The following HECTD4 variants were observed in gnomAD, a reference collection of about 807,000 sequenced individuals.
HECTD4 encodes HECT domain E3 ubiquitin protein ligase 4.
Under a neutral mutation model 471.5 loss-of-function variants are expected in HECTD4, and 114 were observed. That is an observed-to-expected ratio of 0.24 (90% CI 0.21 to 0.28). HECTD4 has a LOEUF of 0.28. Among genes scored for constraint, HECTD4 ranks in the 10% least tolerant of loss-of-function variants. The pLI, the probability that HECTD4 is intolerant of heterozygous loss-of-function variation, is 1.00. For missense variants in HECTD4, 3,866 were observed against 5,651.5 expected (o/e 0.68, Z 10.13); for synonymous variants, 2,012 against 2,256.0 (o/e 0.89, Z 3.07).
intron 69 of HECTD4, chr12:112,170,075 C>A: frequency 1.8e-6 from 1 of 570,606 alleles, no homozygotes; most frequent in Non-Finnish European, 3.1e-6. Context: ...AGGCACATGG[C>A]TGATCAGAGC....
intron 72 of HECTD4, 117 bp from the exon 73 acceptor site, chr12:112,164,392 G>C: frequency 9.4e-7 from 1 of 1,068,560 alleles, no homozygotes; most frequent in Non-Finnish European, 1.3e-6. Flanking sequence ...CGGCCGTGTA[G>C]ATGAGCATGT....
Position 112,164,069 on chromosome 12 carries a change from G to GGCCAGCCCCT in HECTD4, c.12701+30_12701+39dup, listed in dbSNP as rs532706721. Reference sequence around the variant, plus strand: ...CTGTCATACCCTGGCTGGCTGGCCGGGCCAGCCCCTGCCAGCCCCTGACAC... The same window carrying GGCCAGCCCCT: ...CTGTCATACCCTGGCTGGCTGGCCGGGCCAGCCCCTGCCAGCCCCTGCCAGCCCCTGACAC... On this transcript the variant is annotated intron_variant, in intron 73 of 75. Coordinates refer to ENST00000682272, the MANE Select transcript of HECTD4 (RefSeq NM_001388303.1). 394 of 1,393,648 alleles carry GGCCAGCCCCT rather than the reference G, an allele frequency of 2.8e-4. 1 individual carries two copies. In the African/African-American group the frequency reaches 4.8e-3, roughly 17 times the overall value. The allele number at this position is 1,393,648 out of a possible 1,614,324, so 86.3% of individuals were successfully genotyped here.
chr12:112,293,390 G>A (rs2034938980), intron 7 of HECTD4, among the ~76,000 whole-genome samples: 1 of 146,656 alleles, frequency 6.8e-6, no homozygotes. Flanking sequence ...AAAAAAATTA[G>A]CTGGGCATGG....
chr12:112,306,261 A>T, intron 6 of HECTD4, 27 bp from the exon 7 acceptor site: 1 of 1,458,038 alleles, frequency 6.9e-7, no homozygotes, highest in Non-Finnish European at 9.1e-7. Context: ...GGAAATCTCC[A>T]TTAGAGCCAC....
chr12:112,273,128 C>T (rs1356738322), intron 11 of HECTD4, among the ~76,000 whole-genome samples: 3 of 152,102 alleles, frequency 2.0e-5, no homozygotes, highest in Admixed American at 6.5e-5. Flanking sequence ...TGATAATTGC[C>T]TGTTTTAGTG....
At chr12:112,210,314 G>T (rs2135542913) in intron 49 of HECTD4, 62 bp from the exon 50 acceptor site, 2 of 1,539,936 alleles carry the variant, frequency 1.3e-6, no homozygotes, top group Non-Finnish European at 1.8e-6. Context: ...TTCTGCAAGA[G>T]CCCAAGGCGC....
intron 62 of HECTD4, among the ~76,000 whole-genome samples, chr12:112,180,960 G>T (rs1439555771): frequency 1.3e-5 from 2 of 150,318 alleles, no homozygotes; most frequent in Non-Finnish European, 2.9e-5. Flanking sequence ...AGTAGCACTT[G>T]TCAGCTAAAA....
At chr12:112,217,633 C>T (rs537558278) in intron 45 of HECTD4, among the ~76,000 whole-genome samples, 10 of 152,342 alleles carry the variant, frequency 6.6e-5, no homozygotes, top group African/African-American at 1.7e-4. Context: ...GGATTATAGG[C>T]GTGAGCCGCC....
intron 1 of HECTD4, among the ~76,000 whole-genome samples, chr12:112,359,002 C>T (rs544723342): frequency 1.3e-5 from 2 of 152,146 alleles, no homozygotes; most frequent in African/African-American, 2.4e-5. Context: ...AGTGAAACCT[C>T]GTCTCTACTA....
intron 1 of HECTD4, among the ~76,000 whole-genome samples, chr12:112,334,638 A>G (rs1430914382): frequency 8.1e-6 from 1 of 123,210 alleles, no homozygotes; most frequent in East Asian, 2.3e-4. Flanking sequence ...CTAAAAATAC[A>G]AAAAAAAAAA....
intron 43 of HECTD4, among the ~76,000 whole-genome samples, chr12:112,227,298 A>G (rs557418125): frequency 1.3e-5 from 2 of 152,190 alleles, no homozygotes; most frequent in East Asian, 3.9e-4. Context: ...CATCTCTACT[A>G]AAAATATAAA....
intron 6 of HECTD4, among the ~76,000 whole-genome samples, chr12:112,308,328 T>C (rs1375574075): frequency 2.0e-5 from 3 of 151,932 alleles, no homozygotes; most frequent in African/African-American, 7.3e-5. Flanking sequence ...CACACAATGA[T>C]TTTACTCTAC....
intron 59 of HECTD4, among the ~76,000 whole-genome samples, chr12:112,192,180 G>A (rs2032102323): frequency 6.6e-6 from 1 of 152,338 alleles, no homozygotes; most frequent in South Asian, 2.1e-4. Flanking sequence ...GCCCTGGGGA[G>A]CCATGTTGAG....
chr12:112,249,161 A>C (rs547390421), intron 25 of HECTD4, among the ~76,000 whole-genome samples: 2 of 152,052 alleles, frequency 1.3e-5, no homozygotes, highest in Non-Finnish European at 2.9e-5. Flanking sequence ...TTGAGACCAG[A>C]CTGGCCAACG....
intron 55 of HECTD4, among the ~76,000 whole-genome samples, chr12:112,196,005 T>C (rs2032230669): frequency 6.6e-6 from 1 of 152,024 alleles, no homozygotes; most frequent in African/African-American, 2.4e-5. Context: ...CTACAAAAAA[T>C]AGAAATCGCC....
At chr12:112,293,755 C>T (rs2034948677) in intron 7 of HECTD4, among the ~76,000 whole-genome samples, 1 of 152,158 alleles carries the variant, frequency 6.6e-6, no homozygotes, top group Non-Finnish European at 1.5e-5. Context: ...AGGAGGGAAA[C>T]TGGGCTAGGA....
intron 1 of HECTD4, among the ~76,000 whole-genome samples, chr12:112,365,306 G>T (rs1253969921): frequency 6.6e-6 from 1 of 152,116 alleles, no homozygotes; most frequent in African/African-American, 2.4e-5. Context: ...CCTAGCTGCT[G>T]GGGAGGCTGA....
intron 43 of HECTD4, among the ~76,000 whole-genome samples, chr12:112,227,193 C>T (rs1008931358): frequency 6.6e-6 from 1 of 152,224 alleles, no homozygotes; most frequent in African/African-American, 2.4e-5. Flanking sequence ...GGCATGGTGG[C>T]TCACGCCTGT....
intron 7 of HECTD4, among the ~76,000 whole-genome samples, chr12:112,294,612 T>G (rs2034963623): frequency 6.6e-6 from 1 of 152,120 alleles, no homozygotes; most frequent in Non-Finnish European, 1.5e-5. Context: ...ATCTATTCTT[T>G]TCCATCTTAT....
Sources: allele counts gnomAD v4.1 joint callset (sites outside exome capture counted in the v4.1 genomes callset), GRCh38; gene constraint gnomAD v4.1.1; transcripts MANE v1.5; gene names NCBI Gene and HGNC (gene_info 2026-07-23, HGNC 2026-07-21).